Variants in ROR1 observed in about 807,000 individuals in gnomAD.
ROR1 encodes the protein ROR family WNT receptor 1, also known as inactive tyrosine-protein kinase transmembrane receptor ROR1.
Under a neutral mutation model 78.8 loss-of-function variants are expected in ROR1, and 19 were observed. That is an observed-to-expected ratio of 0.24 (90% CI 0.17 to 0.35). The LOEUF is 0.35. ROR1 is among the 10% of genes least tolerant of loss of function. The pLI is 1.00. For synonymous variants in ROR1, 386 were observed against 433.6 expected (o/e 0.89, Z 1.36); for missense variants, 917 against 1,177.8 (o/e 0.78, Z 3.24).
chr1:63,775,155 A>G (rs1569681057), intron 1 of ROR1: 1 of 152,106 alleles, frequency 6.6e-6, no homozygotes, highest in Admixed American at 6.5e-5. Context: ...CTGCGGCTCC[A>G]AAGTGCTTTG....
At chr1:64,021,845 A>G (rs1364911111) in intron 2 of ROR1, among the ~76,000 whole-genome samples, 1 of 152,058 alleles carries the variant, frequency 6.6e-6, no homozygotes, top group Non-Finnish European at 1.5e-5. Context: ...CTATACTCTT[A>G]TAGTCAGATA....
At chr1:63,988,201 C>T (rs1446497540) in intron 1 of ROR1, among the ~76,000 whole-genome samples, 1 of 152,154 alleles carries the variant, frequency 6.6e-6, no homozygotes, top group Non-Finnish European at 1.5e-5. Context: ...AACTCCAGGA[C>T]CCAGCTGTCT....
At chr1:64,169,205 C>G (rs898224010) in intron 8 of ROR1, among the ~76,000 whole-genome samples, 5 of 152,210 alleles carry the variant, frequency 3.3e-5, no homozygotes, top group Admixed American at 2.6e-4. Flanking sequence ...GGGCCAGGGT[C>G]TGCTCATCAT....
intron 1 of ROR1, among the ~76,000 whole-genome samples, chr1:63,858,884 A>G (rs1645163852): frequency 6.6e-6 from 1 of 152,244 alleles, no homozygotes; most frequent in Admixed American, 6.5e-5. Context: ...ATGTGAATGT[A>G]TACTCACATG....
intron 4 of ROR1, among the ~76,000 whole-genome samples, chr1:64,055,540 T>C (rs1646866895): frequency 6.6e-6 from 1 of 152,190 alleles, no homozygotes; most frequent in Non-Finnish European, 1.5e-5. Flanking sequence ...ACAGTGCTGG[T>C]CACAAAAATA....
At chr1:63,855,732 T>C (rs1645143968) in intron 1 of ROR1, among the ~76,000 whole-genome samples, 2 of 151,758 alleles carry the variant, frequency 1.3e-5, no homozygotes, top group South Asian at 4.2e-4. Context: ...CACTGCAACC[T>C]CCGCCTCCCT....
chr1:63,983,665 A>G (rs970208754), intron 1 of ROR1, among the ~76,000 whole-genome samples: 2 of 152,212 alleles, frequency 1.3e-5, no homozygotes, highest in South Asian at 2.1e-4. Context: ...ATGACATCAC[A>G]TCAGTTCACA....
In ROR1 at chr1:64,062,737, C is replaced by T. The variant is rs113922138; in HGVS notation, c.482+12021C>T. On this transcript the variant is annotated intron_variant, in intron 4 of 8. Transcript: ENST00000371079. ...ATGCAGGTCCATTATTGATTCATCA[C>T]GTCTTGTACACTCATAGAGCTTTTT... Among the ~76,000 whole-genome samples the T allele has an allele frequency of 5.7e-3, 867 of 152,296 alleles. 4 individuals are homozygous for T. The highest frequency in any genetic ancestry group is 9.7e-3 in the Non-Finnish European group (657 of 68,014).
chr1:64,082,607 G>A (rs1189301940), intron 4 of ROR1, among the ~76,000 whole-genome samples: 1 of 152,210 alleles, frequency 6.6e-6, no homozygotes, highest in African/African-American at 2.4e-5. Context: ...CATGCAAGCT[G>A]AGGTCACCCT....
intron 1 of ROR1, among the ~76,000 whole-genome samples, chr1:64,003,856 C>A (rs1646407157): frequency 6.6e-6 from 1 of 152,266 alleles, no homozygotes; most frequent in South Asian, 2.1e-4. Flanking sequence ...CACCAAACAA[C>A]ATCTAAAGTA....
At chr1:64,123,401 T>C (rs995497276) in intron 4 of ROR1, among the ~76,000 whole-genome samples, 1 of 152,188 alleles carries the variant, frequency 6.6e-6, no homozygotes, top group Non-Finnish European at 1.5e-5. Flanking sequence ...ATTCTTGGAA[T>C]TTAGAAAAGA....
At chr1:64,112,267 A>G (rs1648130753) in intron 4 of ROR1, 2 of 152,138 alleles carry the variant, frequency 1.3e-5, no homozygotes, top group South Asian at 4.1e-4. Context: ...GTGATGTGCT[A>G]TTGTGTGTGT....
rs201832364 is a variant in ROR1 at position 63,775,264 on chromosome 1, C to G, written c.91+756C>G. 2.0e-5 allele frequency: 3 copies of G among 152,192 alleles called. No individual in the cohort carries two copies. In the East Asian group the frequency reaches 5.8e-4, roughly 29 times the overall value. The allele number at this position is 152,192 out of a possible 1,614,324, so 9.4% of individuals were successfully genotyped here. A position where few individuals can be genotyped will look rare whatever the true frequency, so the allele number is the denominator to read the frequency against. Reference sequence around the variant, plus strand: ...ATTTGATTTTGGTAATCTCTAAAGACAATCGCAACAGTTAGAGAAAGACTT... The same window carrying G: ...ATTTGATTTTGGTAATCTCTAAAGAGAATCGCAACAGTTAGAGAAAGACTT... On this transcript the variant is annotated intron_variant, in intron 1 of 8. Transcript: ENST00000371079.
intron 1 of ROR1, among the ~76,000 whole-genome samples, chr1:63,874,050 T>C (rs1353644347): frequency 6.6e-6 from 1 of 152,148 alleles, no homozygotes; most frequent in African/African-American, 2.4e-5. Context: ...CTGATGCCAG[T>C]TTCTTGTTTA....
chr1:64,002,626 G>A (rs747044017), intron 1 of ROR1, among the ~76,000 whole-genome samples: 1 of 152,038 alleles, frequency 6.6e-6, no homozygotes, highest in Non-Finnish European at 1.5e-5. Flanking sequence ...TTGTAGCATA[G>A]TTTCTTTAAA....
intron 4 of ROR1, among the ~76,000 whole-genome samples, chr1:64,133,072 T>C (rs1648979012): frequency 6.6e-6 from 1 of 152,100 alleles, no homozygotes; most frequent in African/African-American, 2.4e-5. Flanking sequence ...TGGAATGGTT[T>C]GATGAAAGTA....
chr1:64,113,809 A>G (rs1381385862), intron 4 of ROR1: 1 of 150,488 alleles, frequency 6.6e-6, no homozygotes, highest in Non-Finnish European at 1.5e-5. Context: ...AAAAAAAAAG[A>G]AAGAAAGAAA....
chr1:63,969,799 C>G (rs1351592959), intron 1 of ROR1, among the ~76,000 whole-genome samples: 4 of 152,052 alleles, frequency 2.6e-5, no homozygotes, highest in African/African-American at 9.7e-5. Context: ...CTGTCTTTCT[C>G]CCTTTCACAT....
chr1:63,887,905 T>G (rs1295069652), intron 1 of ROR1, among the ~76,000 whole-genome samples: 1 of 152,198 alleles, frequency 6.6e-6, no homozygotes, highest in Non-Finnish European at 1.5e-5. Flanking sequence ...ATTATCTTAT[T>G]TAATCTTCAG....
Sources: allele counts gnomAD v4.1 joint callset (sites outside exome capture counted in the v4.1 genomes callset), GRCh38; gene constraint gnomAD v4.1.1; transcripts MANE v1.5; gene names NCBI Gene and HGNC (gene_info 2026-07-23, HGNC 2026-07-21).